The following AK5 variants were observed in gnomAD, a reference collection of about 807,000 sequenced individuals.
AK5 encodes the protein adenylate kinase 5.
A neutral mutation model predicts 69.5 loss-of-function variants in AK5; 27 were observed. That is an observed-to-expected ratio of 0.39 (90% CI 0.29 to 0.54). The LOEUF (loss-of-function observed/expected upper bound fraction) is 0.54, where lower values mean the gene tolerates loss of function less well. Ranked by LOEUF, AK5 falls within the 20% of genes least tolerant of loss-of-function variation. The pLI is 0.71. For synonymous variants in AK5, 260 were observed against 244.4 expected (o/e 1.06, Z -0.60); for missense variants, 531 against 700.4 (o/e 0.76, Z 2.73).
intron 10 of AK5, among the ~76,000 whole-genome samples, chr1:77,515,345 T>C (rs1284139658): frequency 6.6e-6 from 1 of 152,218 alleles, no homozygotes; most frequent in Admixed American, 6.5e-5. Flanking sequence ...ATGTTGTCCC[T>C]TAAGAGGGAA....
Position 77,403,687 on chromosome 1 carries a change from T to C in AK5, c.892-7294T>C, listed in dbSNP as rs533823431. On this transcript the variant is annotated intron_variant, in intron 6 of 13. Coordinates refer to ENST00000354567, the MANE Select transcript of AK5 (RefSeq NM_174858.3). ...GTTTTGGTACCAGTACCATGCTGTTTTGGTGACTGTAGCCTTGTAGTATAG... is the reference window on the plus strand; with the variant it reads ...GTTTTGGTACCAGTACCATGCTGTTCTGGTGACTGTAGCCTTGTAGTATAG... Among the ~76,000 whole-genome samples, 185 of 152,360 alleles carry C rather than the reference T, an allele frequency of 1.2e-3. 1 individual carries two copies. The highest frequency in any genetic ancestry group is 4.2e-3 in the African/African-American group (174 of 41,582).
At chr1:77,459,569 C>T (rs1653702220) in intron 8 of AK5, among the ~76,000 whole-genome samples, 1 of 152,216 alleles carries the variant, frequency 6.6e-6, no homozygotes, top group African/African-American at 2.4e-5. Context: ...CCTACAGTTT[C>T]TGATTCAATA....
rs1033030012 is a variant in AK5, at chr1:77,438,309, A to G, written c.1059+20594A>G. ...ATATTTGGTACAAAAAAAAAAAAAA[A>G]AAAAAAAAAAAAAAACAAGCTTGGG... On this transcript the variant is annotated intron_variant, in intron 8 of 13. Transcript: ENST00000354567. Among the ~76,000 whole-genome samples the G allele has an allele frequency of 2.5e-4, 36 of 145,368 alleles. 2 individuals carry two copies. Among genetic ancestry groups the G allele is most frequent in the Non-Finnish European group, 3.6e-4 (24 of 66,068 alleles).
rs142587593 is a variant in AK5, at chr1:77,411,103, G to A, written c.982+32G>A. 3.6e-4 allele frequency: 564 copies of A among 1,572,376 alleles called. 4 individuals are homozygous for A. In the East Asian group the frequency reaches 9.2e-3, roughly 26 times the overall value. On this transcript the variant is annotated intron_variant, in intron 7 of 13. Coordinates refer to ENST00000354567, the MANE Select transcript of AK5 (RefSeq NM_174858.3). ...CACTGTGTCCTTTAGACAACAGTACGCCGTGATCACCTGCCAAATGTCTGG... is the reference window on the plus strand; with the variant it reads ...CACTGTGTCCTTTAGACAACAGTACACCGTGATCACCTGCCAAATGTCTGG...
chr1:77,558,521 G>T, intron 13 of AK5, 81 bp from the exon 14 acceptor site: 1 of 889,996 alleles, frequency 1.1e-6, no homozygotes, highest in Non-Finnish European at 1.8e-6. Flanking sequence ...CAAATTATGA[G>T]CAAGTGATAG....
intron 6 of AK5, among the ~76,000 whole-genome samples, chr1:77,352,501 A>G (rs1413526333): frequency 2.0e-5 from 3 of 152,310 alleles, no homozygotes; most frequent in African/African-American, 7.2e-5. Flanking sequence ...TTCAACCAGA[A>G]CTTATGTCCA....
At chr1:77,506,881 C>T (rs1222563244) in intron 10 of AK5, among the ~76,000 whole-genome samples, 4 of 152,084 alleles carry the variant, frequency 2.6e-5, no homozygotes, top group Admixed American at 6.5e-5. Flanking sequence ...AGCCTGTAAT[C>T]CCAGCTATTC....
Position 77,518,548 on chromosome 1 carries a change from AT to A in AK5, c.1148-15del, listed in dbSNP as rs781526013. ...CAGACTTGGAATGCATGTCTGACAC[AT>A]GACTTCTTTTCAAGGTGGTCCTGGC... On this transcript the variant is annotated splice_polypyrimidine_tract_variant and intron_variant, in intron 10 of 13. Transcript: ENST00000354567. The A allele has an allele frequency of 1.9e-6, 3 of 1,612,890 alleles. No individual in the cohort carries two copies. Among genetic ancestry groups the A allele is most frequent in the Non-Finnish European group, 1.7e-6 (2 of 1,179,270 alleles).
rs554607736 is a variant in AK5, at chr1:77,532,995, T to C, written c.1429-2852T>C. ...GCGAAGCATTTTGAAAAAAATTAGA[T>C]GGTATCTCATTGAAACATTTCAAAA... On this transcript the variant is annotated intron_variant, in intron 12 of 13. Coordinates refer to ENST00000354567, the MANE Select transcript of AK5 (RefSeq NM_174858.3). Among the ~76,000 whole-genome samples the C allele has an allele frequency of 4.5e-4, 68 of 152,322 alleles. 1 individual carries two copies. In the South Asian group the frequency reaches 0.011, roughly 26 times the overall value.
chr1:77,331,811 A>T (rs749073948), intron 5 of AK5, among the ~76,000 whole-genome samples: 3 of 152,286 alleles, frequency 2.0e-5, no homozygotes, highest in Middle Eastern at 6.8e-3. Flanking sequence ...CAGTGAAGCC[A>T]CCTAGGTCTA....
intron 10 of AK5, among the ~76,000 whole-genome samples, chr1:77,493,299 C>G (rs891191471): frequency 2.0e-5 from 3 of 151,088 alleles, no homozygotes; most frequent in Non-Finnish European, 4.4e-5. Flanking sequence ...GCTGGGTCAT[C>G]CATTTTCTCC....
At chr1:77,309,702 C>T (rs898756143) in intron 5 of AK5, among the ~76,000 whole-genome samples, 1 of 152,016 alleles carries the variant, frequency 6.6e-6, no homozygotes, top group Non-Finnish European at 1.5e-5. Flanking sequence ...AATTTGCATT[C>T]TTCAAATTAC....
chr1:77,295,581 A>T (rs1428864983), intron 3 of AK5, among the ~76,000 whole-genome samples: 1 of 152,166 alleles, frequency 6.6e-6, no homozygotes, highest in African/African-American at 2.4e-5. Context: ...ACAAGGAAAC[A>T]CTTAAATAAA....
At chr1:77,448,914 G>A (rs981098000) in intron 8 of AK5, among the ~76,000 whole-genome samples, 2 of 152,198 alleles carry the variant, frequency 1.3e-5, no homozygotes, top group African/African-American at 4.8e-5. Flanking sequence ...ACAGCAGAGA[G>A]CTGGCAACAA....
intron 8 of AK5, among the ~76,000 whole-genome samples, chr1:77,471,127 C>T (rs1448147514): frequency 6.6e-6 from 1 of 151,532 alleles, no homozygotes; most frequent in African/African-American, 2.4e-5. Flanking sequence ...CGTGATCCAC[C>T]CGCCTCAGCC....
intron 12 of AK5, among the ~76,000 whole-genome samples, chr1:77,533,838 G>A (rs554595939): frequency 6.6e-5 from 10 of 152,180 alleles, no homozygotes; most frequent in Admixed American, 6.5e-4. Context: ...CTAACCCAAA[G>A]TTGTTTCAGG....
At chr1:77,372,776 T>C (rs894342502) in intron 6 of AK5, among the ~76,000 whole-genome samples, 2 of 151,664 alleles carry the variant, frequency 1.3e-5, no homozygotes, top group African/African-American at 4.8e-5. Context: ...TGTGTGCGTG[T>C]GTGTGTGTGT....
intron 1 of AK5, among the ~76,000 whole-genome samples, chr1:77,285,273 G>A (rs1226177898): frequency 6.6e-6 from 1 of 152,210 alleles, no homozygotes; most frequent in African/African-American, 2.4e-5. Flanking sequence ...GGAAGAATGT[G>A]AGAAGCTCAA....
At chr1:77,547,804 ATTAATT>A (rs1272844794) in intron 13 of AK5, among the ~76,000 whole-genome samples, 6 of 152,222 alleles carry the variant, frequency 3.9e-5, no homozygotes, top group African/African-American at 1.4e-4. Context: ...TAAATTTTAG[ATTAATT>A]TTAATTAAAC....
Sources: gnomAD v4.1 joint callset for allele counts (sites outside exome capture counted in the v4.1 genomes callset) on GRCh38, gnomAD v4.1.1 for gene constraint, MANE v1.5 for transcripts, NCBI Gene and HGNC (gene_info 2026-07-23, HGNC 2026-07-21) for gene names.